The following RPS6KC1 variants were observed in gnomAD, a reference collection of about 807,000 sequenced individuals.
The protein encoded by RPS6KC1 is ribosomal protein S6 kinase C1, also known as inactive ribosomal protein S6 kinase delta-1.
Under a neutral mutation model 103.8 loss-of-function variants are expected in RPS6KC1, and 54 were observed. The observed-to-expected ratio is 0.52, with a 90% confidence interval of 0.42 to 0.65. The LOEUF is 0.65. Ranked by LOEUF, RPS6KC1 falls within the 30% of genes least tolerant of loss-of-function variation. The probability of loss-of-function intolerance (pLI) is 0.00; values close to 1 mark genes in which losing one functional copy is unlikely to be tolerated. For missense variants in RPS6KC1, 1,151 were observed against 1,253.8 expected, an observed-to-expected ratio of 0.92 and a Z score of 1.24; for synonymous variants, 439 against 438.7, an observed-to-expected ratio of 1.00 and a Z score of -0.01.
At chr1:213,330,315 T>C in the RPS6KC1 span, among the ~76,000 whole-genome samples, 1 of 152,234 alleles carries the variant, frequency 6.6e-6, no homozygotes, top group East Asian at 1.9e-4. Flanking sequence ...GGTTAGTATT[T>C]CTTTAGCACA....
At chr1:213,457,931 A>T in the RPS6KC1 span, among the ~76,000 whole-genome samples, 248 of 152,292 alleles carry the variant, frequency 1.6e-3, 1 homozygote, top group South Asian at 9.1e-3. Flanking sequence ...TTCTGGGAAC[A>T]TTTTACCTCT....
chr1:213,425,469 C>T, the RPS6KC1 span, among the ~76,000 whole-genome samples: 1 of 152,200 alleles, frequency 6.6e-6, no homozygotes, highest in Non-Finnish European at 1.5e-5. Context: ...GATTCTGACC[C>T]TCGAAAATAC....
intron 5 of RPS6KC1, among the ~76,000 whole-genome samples, chr1:213,121,925 CT>C (rs1192338286): frequency 6.6e-6 from 1 of 151,922 alleles, no homozygotes; most frequent in Non-Finnish European, 1.5e-5. Flanking sequence ...CTACCCCCAC[CT>C]TTTTTTGGCT....
At chr1:213,607,965 G>T in the RPS6KC1 span, among the ~76,000 whole-genome samples, 53 of 152,174 alleles carry the variant, frequency 3.5e-4, no homozygotes, top group African/African-American at 1.3e-3. Flanking sequence ...TTGCTGACAG[G>T]AGAACGCTGT....
chr1:213,363,949 T>C, the RPS6KC1 span, among the ~76,000 whole-genome samples: 2 of 151,666 alleles, frequency 1.3e-5, no homozygotes, highest in Non-Finnish European at 2.9e-5. Flanking sequence ...AGGCTGACGT[T>C]GAGTATTTTG....
At chr1:213,825,552 C>T in the RPS6KC1 span, among the ~76,000 whole-genome samples, 3 of 152,130 alleles carry the variant, frequency 2.0e-5, no homozygotes, top group African/African-American at 7.2e-5. Flanking sequence ...TGGTGGCCAG[C>T]TCATTTTTGA....
chr1:213,830,423 C>T, the RPS6KC1 span, among the ~76,000 whole-genome samples: 1 of 151,986 alleles, frequency 6.6e-6, no homozygotes, highest in Non-Finnish European at 1.5e-5. Flanking sequence ...TAATATCTGC[C>T]ATTTAAGGAG....
the RPS6KC1 span, among the ~76,000 whole-genome samples, chr1:213,625,686 T>A: frequency 2.0e-5 from 3 of 152,200 alleles, 1 homozygote; most frequent in South Asian, 6.2e-4. Flanking sequence ...GGTGTTTGGT[T>A]TTTTGTCCTT....
chr1:213,285,821 T>C, the RPS6KC1 span, among the ~76,000 whole-genome samples: 2 of 152,120 alleles, frequency 1.3e-5, no homozygotes, highest in Non-Finnish European at 2.9e-5. Context: ...AGTGCTCTAA[T>C]AAAGGAGATT....
the RPS6KC1 span, among the ~76,000 whole-genome samples, chr1:213,323,742 G>A: frequency 0.044 from 6,711 of 152,092 alleles, 191 homozygotes; most frequent in Middle Eastern, 0.065. Flanking sequence ...CACAGCAAAC[G>A]TGAGAGGCAG....
the RPS6KC1 span, among the ~76,000 whole-genome samples, chr1:213,409,737 C>T: frequency 6.6e-6 from 1 of 152,176 alleles, no homozygotes; most frequent in Admixed American, 6.5e-5. Flanking sequence ...CTCTGTGTAA[C>T]AGGGCTGGAT....
chr1:213,463,875 GTAGGCCATTTAAGCCACTA>G, the RPS6KC1 span, among the ~76,000 whole-genome samples: 1 of 152,154 alleles, frequency 6.6e-6, no homozygotes, highest in Non-Finnish European at 1.5e-5. Context: ...TTTGGGCTTT[GTAGGCCATTTAAGCCACTA>G]TAGGCCATTG....
At chr1:213,575,918 G>A in the RPS6KC1 span, among the ~76,000 whole-genome samples, 6 of 152,152 alleles carry the variant, frequency 3.9e-5, no homozygotes, top group Non-Finnish European at 8.8e-5. Flanking sequence ...GAAGAAAGAA[G>A]GGGGCACAAC....
In RPS6KC1 at chr1:213,095,054, C is replaced by T. The variant is rs971834587; in HGVS notation, c.263-9400C>T. Reference sequence around the variant, plus strand: ...GACAGCATCCAATCCAGGGCAGAACCCCACTTCCTTGAACCCTTCCCTAAC... The same window carrying T: ...GACAGCATCCAATCCAGGGCAGAACTCCACTTCCTTGAACCCTTCCCTAAC... On this transcript the variant is annotated intron_variant, in intron 3 of 14. Transcript: ENST00000366960. Among the ~76,000 whole-genome samples, 5 of 152,160 alleles carry T rather than the reference C, an allele frequency of 3.3e-5. No homozygotes were observed. The East Asian group carries it at 9.6e-4, about 29-fold the overall frequency.
At chr1:213,737,396 G>A in the RPS6KC1 span, among the ~76,000 whole-genome samples, 2 of 152,154 alleles carry the variant, frequency 1.3e-5, no homozygotes. Context: ...TATCTGATTT[G>A]ATCAGTTACT....
At chr1:213,175,695 CTT>C (rs34770799) in intron 7 of RPS6KC1, among the ~76,000 whole-genome samples, 1 of 152,004 alleles carries the variant, frequency 6.6e-6, no homozygotes. Context: ...TTTTTTAAAT[CTT>C]TTTTGTAGCT....
chr1:213,627,586 T>A, the RPS6KC1 span, among the ~76,000 whole-genome samples: 7 of 152,094 alleles, frequency 4.6e-5, no homozygotes, highest in Non-Finnish European at 1.0e-4. Context: ...TATTATTTTG[T>A]GATATGTCCC....
chr1:213,180,281 A>G (rs969650671), intron 8 of RPS6KC1, among the ~76,000 whole-genome samples: 10 of 152,230 alleles, frequency 6.6e-5, no homozygotes, highest in African/African-American at 2.4e-4. Context: ...CAACAAGTGC[A>G]AACTAAAATC....
the RPS6KC1 span, among the ~76,000 whole-genome samples, chr1:213,850,427 G>T: frequency 6.6e-6 from 1 of 152,124 alleles, no homozygotes; most frequent in African/African-American, 2.4e-5. Context: ...CTGGCCTGCC[G>T]CTTAGGACTC....
Sources: allele counts gnomAD v4.1 joint callset (sites outside exome capture counted in the v4.1 genomes callset), GRCh38; gene constraint gnomAD v4.1.1; transcripts MANE v1.5; gene names NCBI Gene and HGNC (gene_info 2026-07-23, HGNC 2026-07-21).